ZFHX3: variants seen among roughly 807,000 people sequenced by gnomAD.
ZFHX3 encodes zinc finger homeobox 3, also known as zinc finger homeobox protein 3.
In ZFHX3, 42 loss-of-function variants were observed where a neutral mutation model predicts 279.1. The observed-to-expected ratio is 0.15, with a 90% CI of 0.12 to 0.19. The LOEUF (loss-of-function observed/expected upper bound fraction) is 0.19, where lower values mean the gene tolerates loss of function less well. Ranked by LOEUF, ZFHX3 falls within the 10% of genes least tolerant of loss-of-function variation. The probability of loss-of-function intolerance (pLI) is 1.00; values close to 1 mark genes in which losing one functional copy is unlikely to be tolerated. For missense variants in ZFHX3, 4,981 were observed against 4,754.0 expected, an observed-to-expected ratio of 1.05 and a Z score of -1.40; for synonymous variants, 2,293 against 1,957.8, an observed-to-expected ratio of 1.17 and a Z score of -4.52.
chr16:72,940,178 GAGT>G (rs776033533), intron 3 of ZFHX3, among the ~76,000 whole-genome samples: 4 of 152,114 alleles, frequency 2.6e-5, no homozygotes, highest in Non-Finnish European at 5.9e-5. Flanking sequence ...TCCCTGTGTT[GAGT>G]TTACAGGTGT....
At chr16:73,046,964 A>T (rs887535070) in intron 1 of ZFHX3, among the ~76,000 whole-genome samples, 1 of 152,174 alleles carries the variant, frequency 6.6e-6, no homozygotes, top group African/African-American at 2.4e-5. Flanking sequence ...AGTTTAACAC[A>T]GGAGGTACCA....
intron 3 of ZFHX3, among the ~76,000 whole-genome samples, chr16:72,919,500 C>T (rs975709837): frequency 7.9e-5 from 12 of 152,040 alleles, no homozygotes; most frequent in African/African-American, 2.9e-4. Flanking sequence ...GATTCTGACG[C>T]ACAGCTAGGT....
chr16:72,855,360 T>G (rs535954571), intron 4 of ZFHX3, among the ~76,000 whole-genome samples: 7 of 152,308 alleles, frequency 4.6e-5, no homozygotes, highest in African/African-American at 1.7e-4. Context: ...CATGAGTGAA[T>G]GCATTACATA....
intron 4 of ZFHX3, among the ~76,000 whole-genome samples, chr16:72,858,799 C>T (rs1039093935): frequency 2.0e-5 from 3 of 152,228 alleles, no homozygotes; most frequent in Non-Finnish European, 4.4e-5. Context: ...GCAACCTGGG[C>T]GACACAGAGG....
chr16:72,927,937 G>C (rs1959548674), intron 3 of ZFHX3, among the ~76,000 whole-genome samples: 1 of 150,028 alleles, frequency 6.7e-6, no homozygotes, highest in Non-Finnish European at 1.5e-5. Flanking sequence ...GGAGGACTAA[G>C]ACTCAGTAAT....
rs117355913 is a variant in ZFHX3, at chr16:73,446,535, G to A, written c.-1291+9468C>T. ...TCCCACAAGGTCCCTCCCCCAACAC[G>A]TGAGGATTACAGTTTGGATTACAAT... On this transcript the variant is annotated intron_variant, in intron 3 of 17. Coordinates refer to the ZFHX3 transcript ENST00000641206. Among the ~76,000 whole-genome samples, 1,059 of 152,272 alleles carry A rather than the reference G, an allele frequency of 7.0e-3. 8 individuals are homozygous for A. The highest frequency in any genetic ancestry group is 8.3e-3 in the Non-Finnish European group (565 of 68,038).
At chr16:73,838,486 G>C (rs1278133804) in intron 1 of ZFHX3, among the ~76,000 whole-genome samples, 1 of 152,106 alleles carries the variant, frequency 6.6e-6, no homozygotes, top group Non-Finnish European at 1.5e-5. Context: ...GTTTGAATAA[G>C]GTCCAGCACT....
At chr16:73,144,309 C>T (rs537720820) in intron 5 of ZFHX3, 1 of 153,394 alleles carries the variant, frequency 6.5e-6, no homozygotes, top group African/African-American at 2.4e-5. Context: ...TGAACACTTG[C>T]CTCGTTTTCC....
Position 72,959,399 on chromosome 16 carries a change from A to G in ZFHX3, c.747T>C (p.Gly249=). 1 of 1,614,190 alleles carries G rather than the reference A, an allele frequency of 6.2e-7. No individual in the cohort carries two copies. The highest frequency in any genetic ancestry group is 2.2e-5 in the East Asian group (1 of 44,864). The change falls in exon 2 of 10, where the codon GGT becomes GGC. Residue 249 remains glycine (G), a synonymous_variant. Transcript: ENST00000268489. ...TGGATACGCAGGAGCTTTTGGCAGA[A>G]CCGTCGCTGTTCAGGTAATCCTTGT... ...KSNKDYLNSD[G]SAKSSCVSKD...
At chr16:72,874,836 A>T (rs1300712212) in intron 4 of ZFHX3, among the ~76,000 whole-genome samples, 1 of 152,162 alleles carries the variant, frequency 6.6e-6, no homozygotes, top group Non-Finnish European at 1.5e-5. Flanking sequence ...TCTGTGATCT[A>T]TAGCTGAGTG....
intron 4 of ZFHX3, among the ~76,000 whole-genome samples, chr16:73,311,452 A>AGGCGT: frequency 6.6e-6 from 1 of 151,332 alleles, no homozygotes; most frequent in East Asian, 2.0e-4. Flanking sequence ...AAAATTAGCC[A>AGGCGT]GGTGGCAGAC....
intron 2 of ZFHX3, among the ~76,000 whole-genome samples, chr16:73,566,077 T>C (rs2020446745): frequency 6.6e-6 from 1 of 152,170 alleles, no homozygotes; most frequent in Non-Finnish European, 1.5e-5. Flanking sequence ...GTAGAAACAC[T>C]AGCCTGAGGC....
chr16:73,591,432 G>C (rs1597015914), intron 2 of ZFHX3, among the ~76,000 whole-genome samples: 1 of 151,906 alleles, frequency 6.6e-6, no homozygotes, highest in African/African-American at 2.4e-5. Flanking sequence ...GGTGGCTCAT[G>C]CCTGTAATCC....
chr16:73,043,072 T>G (rs1403788244), intron 1 of ZFHX3, among the ~76,000 whole-genome samples: 1 of 151,854 alleles, frequency 6.6e-6, no homozygotes, highest in Non-Finnish European at 1.5e-5. Flanking sequence ...GCGGCAGATG[T>G]TTTGCCCGCC....
intron 3 of ZFHX3, among the ~76,000 whole-genome samples, chr16:72,891,576 C>T (rs552969095): frequency 1.3e-5 from 2 of 152,230 alleles, no homozygotes; most frequent in South Asian, 4.2e-4. Flanking sequence ...CCACTGGGTA[C>T]ACATGAAGCA....
chr16:72,992,770 G>A (rs181674899), intron 1 of ZFHX3, among the ~76,000 whole-genome samples: 5 of 152,350 alleles, frequency 3.3e-5, no homozygotes, highest in African/African-American at 7.2e-5. Context: ...ACCTCTCAAG[G>A]TGGATGGCCG....
At chr16:73,615,797 T>C (rs188052312) in intron 2 of ZFHX3, among the ~76,000 whole-genome samples, 49 of 152,208 alleles carry the variant, frequency 3.2e-4, no homozygotes, top group Non-Finnish European at 1.9e-4. Flanking sequence ...CAGAAACACC[T>C]TGGAAGCATG....
intron 2 of ZFHX3, among the ~76,000 whole-genome samples, chr16:73,661,401 A>G (rs982025952): frequency 2.0e-5 from 3 of 152,210 alleles, no homozygotes; most frequent in African/African-American, 7.2e-5. Context: ...GATACATCAT[A>G]TACTTTTCCA....
chr16:72,885,451 G>A (rs1394198324), intron 4 of ZFHX3, among the ~76,000 whole-genome samples: 4 of 152,240 alleles, frequency 2.6e-5, no homozygotes, highest in Non-Finnish European at 4.4e-5. Context: ...CCTTCCTCCA[G>A]ACCCACAGGT....
Sources: gnomAD v4.1 joint callset for allele counts (sites outside exome capture counted in the v4.1 genomes callset) on GRCh38, gnomAD v4.1.1 for gene constraint, MANE v1.5 for transcripts, NCBI Gene and HGNC (gene_info 2026-07-23, HGNC 2026-07-21) for gene names.